PUS10: variants seen among roughly 807,000 people sequenced by gnomAD.
PUS10 encodes tRNA pseudouridine synthase Pus10.
A neutral mutation model predicts 75.0 loss-of-function variants in PUS10; 59 were observed. The observed-to-expected ratio is 0.79, with a 90% CI of 0.64 to 0.98. The LOEUF (loss-of-function observed/expected upper bound fraction) is 0.98, where lower values mean the gene tolerates loss of function less well. PUS10 is among the 50% of genes least tolerant of loss of function. PUS10 has a pLI of 0.00. For missense variants in PUS10, 650 were observed against 614.4 expected (o/e 1.06, Z -0.61); for synonymous variants, 219 against 211.6 (o/e 1.03, Z -0.30).
chr2:60,971,403 A>C (rs1239918033), intron 5 of PUS10, 120 bp downstream of exon 5: 3 of 889,596 alleles, frequency 3.4e-6, no homozygotes, highest in Non-Finnish European at 5.6e-6. Flanking sequence ...TCTTTGTGCT[A>C]ATTTCTCTAG....
chr2:61,003,747 T>G (rs578159021), intron 4 of PUS10, among the ~76,000 whole-genome samples: 1 of 152,048 alleles, frequency 6.6e-6, no homozygotes, highest in Non-Finnish European at 1.5e-5. Flanking sequence ...AGTCTCACTG[T>G]GTTGCCCAGG....
chr2:60,980,706 G>A (rs1677330387), intron 4 of PUS10, among the ~76,000 whole-genome samples: 1 of 152,064 alleles, frequency 6.6e-6, no homozygotes, highest in Non-Finnish European at 1.5e-5. Context: ...CACAATAAAT[G>A]TGTAAAAACA....
intron 2 of PUS10, 93 bp downstream of exon 2, chr2:61,011,672 A>G: frequency 1.1e-6 from 1 of 909,824 alleles, no homozygotes; most frequent in Non-Finnish European, 1.5e-6. Flanking sequence ...AGAGTTATGA[A>G]TAGATACCTG....
Position 60,965,219 on chromosome 2 carries a change from AATGAGTCCCTGT to A in PUS10, c.678-128_678-117del, listed in dbSNP as rs1261302290. ...AACTCAGGACATCAGGAGCAGACAA[AATGAGTCCCTGT>A]ATGAGCTATATCGGTTTGCCCAGGA... On this transcript the variant is annotated intron_variant, in intron 7 of 17. Coordinates refer to ENST00000316752, the MANE Select transcript of PUS10 (RefSeq NM_144709.4). The A allele has an allele frequency of 3.6e-5, 40 of 1,097,542 alleles. No homozygotes were observed. The East Asian group carries it at 8.9e-4, about 24-fold the overall frequency. 68.0% of individuals were successfully genotyped at this position (1,097,542 alleles called of 1,614,324 possible). A position where few individuals can be genotyped will look rare whatever the true frequency, so the allele number is the denominator to read the frequency against.
At chr2:61,015,582 C>T (rs567262514) in intron 1 of PUS10, among the ~76,000 whole-genome samples, 2 of 152,258 alleles carry the variant, frequency 1.3e-5, no homozygotes, top group African/African-American at 4.8e-5. Flanking sequence ...ACCTGTAGTC[C>T]CAGCTACTCA....
chr2:60,950,929 T>C (rs1203652234), intron 15 of PUS10, among the ~76,000 whole-genome samples: 1 of 152,182 alleles, frequency 6.6e-6, no homozygotes, highest in African/African-American at 2.4e-5. Context: ...CCATGTTGTT[T>C]TTGAAAAAGG....
intron 4 of PUS10, among the ~76,000 whole-genome samples, chr2:60,990,833 C>T (rs181393224): frequency 3.9e-4 from 59 of 152,242 alleles, no homozygotes; most frequent in African/African-American, 1.3e-3. Context: ...GCAGCCTCCA[C>T]GTCTGGGTTC....
At chr2:61,000,606 G>A (rs1678790242) in intron 4 of PUS10, among the ~76,000 whole-genome samples, 1 of 152,126 alleles carries the variant, frequency 6.6e-6, no homozygotes, top group Non-Finnish European at 1.5e-5. Context: ...TCCATCTTCA[G>A]AATAAACATT....
intron 4 of PUS10, among the ~76,000 whole-genome samples, chr2:60,984,733 T>C (rs982123537): frequency 6.6e-6 from 1 of 152,228 alleles, no homozygotes; most frequent in Non-Finnish European, 1.5e-5. Context: ...AAAGCTCATA[T>C]ATGCATATGT....
chr2:60,994,270 C>A (rs897583515), intron 4 of PUS10, among the ~76,000 whole-genome samples: 2 of 151,766 alleles, frequency 1.3e-5, no homozygotes, highest in Admixed American at 6.6e-5. Flanking sequence ...GACATTTGGA[C>A]ATATCCATGA....
rs1457431334 is a variant in PUS10, at chr2:60,953,089, C to T, written c.1216G>A (p.Gly406Ser). ...TAGGTCTTTGTCTTTTCTTCTTCAC[C>T]TTCTTTCATATGTCCTATTGCCTCT... ...TREAIGHMKE[G>S]EEEKTKTYSA... Residue 406 changes from glycine (G) to serine (S), a missense_variant, in exon 15 of 18, where the codon GGT becomes AGT. Transcript: ENST00000316752. 6.2e-7 allele frequency: 1 copy of T among 1,602,428 alleles called. No individual in the cohort carries two copies. Among genetic ancestry groups the T allele is most frequent in the Admixed American group, 1.7e-5 (1 of 59,944 alleles).
intron 4 of PUS10, among the ~76,000 whole-genome samples, chr2:60,983,848 A>G (rs1167441221): frequency 1.3e-5 from 2 of 152,232 alleles, no homozygotes; most frequent in Non-Finnish European, 2.9e-5. Flanking sequence ...GCATACCTAG[A>G]TAATAACTGA....
At chr2:61,010,720 G>A in intron 2 of PUS10, 1 of 1,498,048 alleles carries the variant, frequency 6.7e-7, no homozygotes, top group Admixed American at 2.0e-5. Context: ...ATTTACAGAG[G>A]AGTAAACTGA....
chr2:60,994,496 T>C (rs1024925192), intron 4 of PUS10, among the ~76,000 whole-genome samples: 1 of 152,212 alleles, frequency 6.6e-6, no homozygotes, highest in Admixed American at 6.5e-5. Flanking sequence ...TTTGCACCTA[T>C]TCCAGTCATC....
In PUS10 at chr2:61,011,875, C is replaced by T; in HGVS notation, c.16G>A (p.Glu6Lys). Residue 6 changes from glutamate (E) to lysine (K), a missense_variant, in exon 2 of 18, where the codon GAG becomes AAG. Glu to Lys is a moderately conservative substitution (Grantham distance 56). Transcript: ENST00000316752. MFPLT[E>K]ENKHVAQLLL... ...AACTGGGCCACATGCTTGTTTTCCT[C>T]AGTCAGTGGGAACATATTGAATAAT... 1 of 1,604,576 alleles carries T rather than the reference C, an allele frequency of 6.2e-7. No individual in the cohort carries two copies.
chr2:60,979,435 T>C (rs1201012220), intron 4 of PUS10, among the ~76,000 whole-genome samples: 1 of 152,060 alleles, frequency 6.6e-6, no homozygotes, highest in Non-Finnish European at 1.5e-5. Context: ...TCAGGCGTGG[T>C]GGCAAAAAAG....
At chr2:60,970,209 T>G (rs1475393316) in intron 5 of PUS10, among the ~76,000 whole-genome samples, 1 of 152,214 alleles carries the variant, frequency 6.6e-6, no homozygotes, top group Non-Finnish European at 1.5e-5. Context: ...AGGATCAAGT[T>G]TTATTACACC....
chr2:60,974,496 A>G (rs750628721), intron 4 of PUS10, among the ~76,000 whole-genome samples: 3 of 152,154 alleles, frequency 2.0e-5, no homozygotes, highest in Non-Finnish European at 4.4e-5. Context: ...TAAAACAAAC[A>G]GGGCTGAAAC....
intron 15 of PUS10, among the ~76,000 whole-genome samples, chr2:60,951,808 T>C (rs1371644928): frequency 1.3e-5 from 2 of 152,214 alleles, no homozygotes; most frequent in Non-Finnish European, 2.9e-5. Flanking sequence ...GTCTATACTT[T>C]TATTTTTTTC....
Sources: gnomAD v4.1 joint callset for allele counts (sites outside exome capture counted in the v4.1 genomes callset) on GRCh38, gnomAD v4.1.1 for gene constraint, MANE v1.5 for transcripts, NCBI Gene and HGNC (gene_info 2026-07-23, HGNC 2026-07-21) for gene names.